Variants in MTCL2 observed in about 807,000 individuals in gnomAD.
The protein encoded by MTCL2 is microtubule cross-linking factor 2.
chr20:36,810,150 G>C, the MTCL2 span: 63 of 1,550,546 alleles, frequency 4.1e-5, 1 homozygote, highest in African/African-American at 8.0e-4. Flanking sequence ...GAGGGAGAGA[G>C]AGGAAGAAGT....
At chr20:36,856,274 A>T in the MTCL2 span, among the ~76,000 whole-genome samples, 2 of 152,212 alleles carry the variant, frequency 1.3e-5, no homozygotes, top group Non-Finnish European at 2.9e-5. Flanking sequence ...CCCCAGCTCC[A>T]AGGACACCTC....
the MTCL2 span, chr20:36,781,924 C>T: frequency 6.6e-6 from 1 of 152,028 alleles, no homozygotes; most frequent in Non-Finnish European, 1.5e-5. Flanking sequence ...AACCGCTGCT[C>T]CCCACCAGGT....
chr20:36,839,143 T>C, the MTCL2 span: 1 of 1,447,680 alleles, frequency 6.9e-7, no homozygotes, highest in South Asian at 1.3e-5. This position sits in a 1 kb window ranked among gnomAD's most constrained non-coding sequence, Gnocchi z 5.1. Context: ...GGAAATGAGA[T>C]GCAAGGCCAA....
chr20:36,796,843 C>G, the MTCL2 span: 17,734 of 1,603,942 alleles, frequency 0.011, 1,740 homozygotes, highest in African/African-American at 0.21. Flanking sequence ...GCTGTGGGGC[C>G]GGTCAGAGAG....
chr20:36,815,198 T>G, the MTCL2 span: 1 of 1,613,854 alleles, frequency 6.2e-7, no homozygotes, highest in Non-Finnish European at 8.5e-7. This position sits in a 1 kb window ranked among gnomAD's most constrained non-coding sequence, Gnocchi z 5.3. Flanking sequence ...AGGGGGGCAG[T>G]GATGAGAAGG....
chr20:36,792,236 G>A, the MTCL2 span, among the ~76,000 whole-genome samples: 662 of 152,240 alleles, frequency 4.3e-3, 6 homozygotes, highest in African/African-American at 0.015. Context: ...GGCCAGGCGC[G>A]GTGGCTCACG....
the MTCL2 span, among the ~76,000 whole-genome samples, chr20:36,841,962 C>T: frequency 1.5e-4 from 22 of 150,534 alleles, no homozygotes; most frequent in African/African-American, 4.4e-4. Context: ...ATGAACTGAG[C>T]TCAAGCAATC....
At chr20:36,785,272 T>C in the MTCL2 span, 1 of 985,374 alleles carries the variant, frequency 1.0e-6, no homozygotes, top group Non-Finnish European at 1.2e-6. Flanking sequence ...GGGGACCCCA[T>C]GCCTGCCCGT....
the MTCL2 span, among the ~76,000 whole-genome samples, chr20:36,805,223 C>T: frequency 3.9e-4 from 60 of 152,174 alleles, no homozygotes; most frequent in Middle Eastern, 3.2e-3. Context: ...CTTCTCCTCA[C>T]TCAGGATCTG....
the MTCL2 span, chr20:36,783,949 G>A: frequency 2.0e-6 from 2 of 985,584 alleles, no homozygotes; most frequent in Non-Finnish European, 2.4e-6. Context: ...GTGATGAGTG[G>A]CCTTGCACAG....
chr20:36,862,664 A>ATAGT, the MTCL2 span: 1 of 1,498,044 alleles, frequency 6.7e-7, no homozygotes, highest in Non-Finnish European at 8.9e-7. Context: ...CCACCTTGAG[A>ATAGT]TAGTCGTTCT....
the MTCL2 span, among the ~76,000 whole-genome samples, chr20:36,807,475 G>A: frequency 6.6e-6 from 1 of 152,142 alleles, no homozygotes. Context: ...TGTCAACTAA[G>A]ATGAGTGTGA....
the MTCL2 span, chr20:36,863,361 C>T: frequency 8.6e-7 from 1 of 1,164,446 alleles, no homozygotes; most frequent in East Asian, 3.9e-5. This position sits in a 1 kb window ranked among gnomAD's most constrained non-coding sequence, Gnocchi z 6.2. Context: ...CTCCCTCGGC[C>T]TCAGCGAGCT....
the MTCL2 span, among the ~76,000 whole-genome samples, chr20:36,843,410 G>C: frequency 1.3e-5 from 2 of 152,156 alleles, no homozygotes; most frequent in Non-Finnish European, 2.9e-5. Flanking sequence ...GGGCTGCAGA[G>C]AACAGTCACT....
chr20:36,831,156 G>C, the MTCL2 span, among the ~76,000 whole-genome samples: 1 of 152,214 alleles, frequency 6.6e-6, no homozygotes, highest in African/African-American at 2.4e-5. Flanking sequence ...GCCCTTCTGG[G>C]CTGGGAAATT....
the MTCL2 span, among the ~76,000 whole-genome samples, chr20:36,823,480 A>G: frequency 1.3e-5 from 2 of 152,010 alleles, no homozygotes; most frequent in Non-Finnish European, 2.9e-5. Flanking sequence ...TTTCACAAAC[A>G]CCTCTGAGAA....
chr20:36,790,254 G>A, the MTCL2 span, among the ~76,000 whole-genome samples: 1 of 151,668 alleles, frequency 6.6e-6, no homozygotes, highest in Non-Finnish European at 1.5e-5. Context: ...GCCTCCCAAA[G>A]TGCTGGGATT....
At chr20:36,813,313 T>TTAAAAA in the MTCL2 span, among the ~76,000 whole-genome samples, 1 of 41,900 alleles carries the variant, frequency 2.4e-5, no homozygotes, top group South Asian at 1.8e-3. Context: ...ACTGTTTCTT[T>TTAAAAA]AAAAAAAAAA....
chr20:36,862,720 A>G, the MTCL2 span: 2 of 1,498,498 alleles, frequency 1.3e-6, no homozygotes, highest in East Asian at 2.7e-5. Flanking sequence ...CTGGGCCCGC[A>G]GTCCAGCATC....
Sources: allele counts gnomAD v4.1 joint callset (sites outside exome capture counted in the v4.1 genomes callset), GRCh38; gene constraint gnomAD v4.1.1; non-coding constraint Gnocchi (gnomAD v3.1); transcripts MANE v1.5; gene names NCBI Gene and HGNC (gene_info 2026-07-23, HGNC 2026-07-21).